Variants in SBF2 observed in about 807,000 individuals in gnomAD.
The protein encoded by SBF2 is SET binding factor 2.
SBF2 carries 112 observed loss-of-function variants against 225.2 expected under a neutral mutation model. That is an observed-to-expected ratio of 0.50 (90% CI 0.43 to 0.58). SBF2 has a LOEUF of 0.58. Among genes scored for constraint, SBF2 ranks in the 20% least tolerant of loss-of-function variants. The pLI, the probability that SBF2 is intolerant of heterozygous loss-of-function variation, is 0.00. For synonymous variants in SBF2, 763 were observed against 773.3 expected, an observed-to-expected ratio of 0.99 and a Z score of 0.22; for missense variants, 1,996 against 2,206.2, an observed-to-expected ratio of 0.90 and a Z score of 1.91.
intron 28 of SBF2, among the ~76,000 whole-genome samples, chr11:9,818,496 A>C (rs888492582): frequency 3.3e-5 from 5 of 152,198 alleles, no homozygotes; most frequent in Non-Finnish European, 7.3e-5. Context: ...TGATGGGGTC[A>C]CAGGGATACA....
At chr11:10,261,779 C>G (rs1256581496) in intron 1 of SBF2, among the ~76,000 whole-genome samples, 1 of 152,102 alleles carries the variant, frequency 6.6e-6, no homozygotes, top group Admixed American at 6.5e-5. Flanking sequence ...AATGGAATAT[C>G]ATTCAGCAAA....
At chr11:9,869,817 C>T (rs565450102) in intron 17 of SBF2, among the ~76,000 whole-genome samples, 70 of 152,278 alleles carry the variant, frequency 4.6e-4, no homozygotes, top group Non-Finnish European at 7.6e-4. Context: ...TCTCTCACAA[C>T]TCCTATTCAA....
At chr11:9,781,860 T>G (rs976773794) in intron 38 of SBF2, among the ~76,000 whole-genome samples, 1 of 152,082 alleles carries the variant, frequency 6.6e-6, no homozygotes, top group Admixed American at 6.6e-5. Context: ...TGTTTGAAAA[T>G]CAAACAAATA....
At chr11:10,119,215 C>A (rs1953315326) in intron 2 of SBF2, among the ~76,000 whole-genome samples, 1 of 152,060 alleles carries the variant, frequency 6.6e-6, no homozygotes. Context: ...ACCATGTTTT[C>A]TAAAACTTTA....
intron 2 of SBF2, among the ~76,000 whole-genome samples, chr11:10,193,351 CTTTT>C (rs60903141): frequency 9.0e-6 from 1 of 110,498 alleles, no homozygotes; most frequent in Non-Finnish European, 1.8e-5. Flanking sequence ...TCAATTTCAT[CTTTT>C]TTTTTTTTTT....
chr11:9,970,658 T>C (rs1228981141), intron 13 of SBF2, among the ~76,000 whole-genome samples: 1 of 152,192 alleles, frequency 6.6e-6, no homozygotes, highest in Non-Finnish European at 1.5e-5. Flanking sequence ...TCAAAACACA[T>C]GGGTTCCAGT....
At chr11:10,050,860 T>C (rs1311452891) in intron 2 of SBF2, among the ~76,000 whole-genome samples, 1 of 152,158 alleles carries the variant, frequency 6.6e-6, no homozygotes, top group Non-Finnish European at 1.5e-5. Flanking sequence ...TTAAAACCAA[T>C]GAATTGTTTC....
chr11:10,272,939 A>G (rs10840380), intron 1 of SBF2, among the ~76,000 whole-genome samples: 80,991 of 151,616 alleles, frequency 0.53, 21,953 homozygotes, highest in Admixed American at 0.63. Context: ...GCATGGTGGC[A>G]CATGCCTGTA....
intron 2 of SBF2, among the ~76,000 whole-genome samples, chr11:10,166,619 T>C (rs1455716017): frequency 6.6e-6 from 1 of 152,146 alleles, no homozygotes; most frequent in Non-Finnish European, 1.5e-5. Flanking sequence ...TATTAATAAT[T>C]AGGGGGAAAA....
At chr11:10,127,980 CATT>C (rs1359892212) in intron 2 of SBF2, among the ~76,000 whole-genome samples, 4 of 152,154 alleles carry the variant, frequency 2.6e-5, no homozygotes, top group Non-Finnish European at 5.9e-5. Flanking sequence ...TACTTTATAA[CATT>C]ATGTGAGCAT....
intron 1 of SBF2, among the ~76,000 whole-genome samples, chr11:10,213,489 G>A (rs1285231308): frequency 1.3e-5 from 2 of 152,132 alleles, no homozygotes; most frequent in African/African-American, 4.8e-5. Flanking sequence ...CTCCTTTCCT[G>A]GTCCAGCACC....
intron 2 of SBF2, among the ~76,000 whole-genome samples, chr11:10,108,055 A>C (rs1170082730): frequency 2.6e-5 from 4 of 152,226 alleles, no homozygotes; most frequent in Non-Finnish European, 5.9e-5. Flanking sequence ...ATAAATGTAT[A>C]TTAAAAGTTA....
At chr11:10,097,586 G>C (rs1220972304) in intron 2 of SBF2, among the ~76,000 whole-genome samples, 1 of 152,100 alleles carries the variant, frequency 6.6e-6, no homozygotes, top group African/African-American at 2.4e-5. Context: ...TGTAGAAATA[G>C]GAAATTTCAG....
chr11:9,865,560 C>T (rs1307004254), intron 17 of SBF2, among the ~76,000 whole-genome samples: 2 of 138,526 alleles, frequency 1.4e-5, no homozygotes, highest in African/African-American at 5.1e-5. Context: ...TGTGGTGGCA[C>T]ATGCCTGTAA....
chr11:9,857,746 GAT>G (rs1857425504), intron 18 of SBF2, among the ~76,000 whole-genome samples: 1 of 151,942 alleles, frequency 6.6e-6, no homozygotes, highest in Admixed American at 6.6e-5. Flanking sequence ...AAATTTTTTT[GAT>G]ATTTTTCATA....
chr11:10,135,268 C>A (rs924884155), intron 2 of SBF2, among the ~76,000 whole-genome samples: 1 of 151,972 alleles, frequency 6.6e-6, no homozygotes, highest in Non-Finnish European at 1.5e-5. Flanking sequence ...GGGCCTGGCC[C>A]AGGAAACCAT....
chr11:10,172,458 T>C (rs1956238265), intron 2 of SBF2, among the ~76,000 whole-genome samples: 1 of 152,076 alleles, frequency 6.6e-6, no homozygotes, highest in South Asian at 2.1e-4. Flanking sequence ...TTCAAGGGAT[T>C]CTCCTGCCTC....
At chr11:9,948,191 A>T (rs1456192923) in intron 16 of SBF2, among the ~76,000 whole-genome samples, 3 of 151,934 alleles carry the variant, frequency 2.0e-5, no homozygotes, top group African/African-American at 7.2e-5. Flanking sequence ...GATTTCATTT[A>T]TATTAAGTAC....
intron 28 of SBF2, chr11:9,828,341 T>C: frequency 8.4e-7 from 1 of 1,184,044 alleles, no homozygotes; most frequent in Non-Finnish European, 1.1e-6. Context: ...TACTTTTAAG[T>C]ACCCAAAGCT....
Sources: gnomAD v4.1 joint callset for allele counts (sites outside exome capture counted in the v4.1 genomes callset) on GRCh38, gnomAD v4.1.1 for gene constraint, MANE v1.5 for transcripts, NCBI Gene and HGNC (gene_info 2026-07-23, HGNC 2026-07-21) for gene names.